The following WDR48 variants were observed in gnomAD, a reference collection of about 807,000 sequenced individuals.
WDR48 encodes WD repeat domain 48.
WDR48 carries 22 observed loss-of-function variants against 94.0 expected under a neutral mutation model. That is an observed-to-expected ratio of 0.23 (90% confidence interval 0.17 to 0.33). The LOEUF (loss-of-function observed/expected upper bound fraction) is 0.33, where lower values mean the gene tolerates loss of function less well. WDR48 is among the 10% of genes least tolerant of loss of function. WDR48 has a pLI of 1.00. For synonymous variants in WDR48, 278 were observed against 280.5 expected (o/e 0.99, Z 0.09); for missense variants, 541 against 813.8 (o/e 0.66, Z 4.08).
intron 10 of WDR48, among the ~76,000 whole-genome samples, chr3:39,079,117 T>C (rs73066268): frequency 0.1 from 15,749 of 151,938 alleles, 1,040 homozygotes; most frequent in East Asian, 0.22. Flanking sequence ...ATAGCCATGA[T>C]AAAGCCAGTA....
rs1486263860 is a variant in WDR48, at chr3:39,095,097, C to G, written c.*354C>G. On this transcript the variant is annotated 3_prime_UTR_variant, in exon 19 of 19. Coordinates refer to ENST00000302313, the MANE Select transcript of WDR48 (RefSeq NM_020839.4). ...TAACACTTGTTAGAGACACCTCAGT[C>G]GGGCCACAACTGTCTCTGTTTCAAC... 2 of 250,228 alleles carry G rather than the reference C, an allele frequency of 8.0e-6. No homozygotes were observed. The highest frequency in any genetic ancestry group is 4.9e-5 in the Admixed American group (1 of 20,522). The allele number at this position is 250,228 out of a possible 1,614,324, so 15.5% of individuals were successfully genotyped here.
intron 1 of WDR48, 191 bp downstream of exon 1, chr3:39,052,264 G>T (rs1369680477): frequency 1.6e-6 from 1 of 629,514 alleles, no homozygotes; most frequent in Non-Finnish European, 2.7e-6. Flanking sequence ...GGCTTGCTTG[G>T]CCCTTGGGGC....
intron 7 of WDR48, among the ~76,000 whole-genome samples, chr3:39,071,240 A>T (rs1418950468): frequency 3.3e-5 from 5 of 152,192 alleles, no homozygotes; most frequent in Non-Finnish European, 7.3e-5. Context: ...GTGTATATGT[A>T]TATATATGTG....
chr3:39,058,123 G>A (rs868713565), intron 1 of WDR48, among the ~76,000 whole-genome samples: 2 of 152,176 alleles, frequency 1.3e-5, no homozygotes, highest in Middle Eastern at 3.4e-3. Flanking sequence ...TAGAAACAGG[G>A]CTCTCATGCT....
At chr3:39,075,376 G>C (rs1048752655) in intron 8 of WDR48, among the ~76,000 whole-genome samples, 3 of 152,028 alleles carry the variant, frequency 2.0e-5, no homozygotes, top group African/African-American at 4.8e-5. Flanking sequence ...AGGAGTTAAG[G>C]TTATCTGTGA....
intron 18 of WDR48, 199 bp downstream of exon 18, chr3:39,094,265 G>A: frequency 7.0e-7 from 1 of 1,436,108 alleles, no homozygotes; most frequent in East Asian, 2.5e-5. Context: ...AAATGTGGAT[G>A]TGCTGGTAGC....
rs1388102443 is a variant in WDR48 at position 39,066,544 on chromosome 3, C to A, written c.269-4C>A. 6.2e-7 allele frequency: 1 copy of A among 1,612,944 alleles called. No homozygotes were observed. Among genetic ancestry groups the A allele is most frequent in the Non-Finnish European group, 8.5e-7 (1 of 1,179,590 alleles). On this transcript the variant is annotated splice_region_variant and splice_polypyrimidine_tract_variant and intron_variant, in intron 3 of 18. Transcript: ENST00000302313. ...GGAGTTTGTTAATTCTTTGCTTCTT[C>A]TAGTAATATCTGCTTCTTCTGACAC...
rs996453836 is a variant in WDR48 at position 39,075,697 on chromosome 3, T to A, written c.897+747T>A. Among the ~76,000 whole-genome samples, 46 of 141,964 alleles carry A rather than the reference T, an allele frequency of 3.2e-4. No individual in the cohort carries two copies. In the South Asian group the frequency reaches 4.0e-3, roughly 12 times the overall value. The allele number at this position is 141,964 out of a possible 152,430, so 93.1% of individuals were successfully genotyped here. A position where few individuals can be genotyped will look rare whatever the true frequency, so the allele number is the denominator to read the frequency against. ...AACAACAGTGAAGAAGTTTCCAAAA[T>A]TTTTTTTTTTTTTTGAGACGGAGTC... On this transcript the variant is annotated intron_variant, in intron 8 of 18. Transcript: ENST00000302313.
chr3:39,091,558 TATTAAC>T, intron 16 of WDR48, 61 bp from the exon 17 acceptor site: 3 of 1,188,218 alleles, frequency 2.5e-6, no homozygotes, highest in African/African-American at 1.6e-5. Context: ...CATGTTTTCC[TATTAAC>T]ATTATTTTCA....
intron 14 of WDR48, 58 bp downstream of exon 14, chr3:39,085,668 A>C: frequency 6.9e-7 from 1 of 1,438,968 alleles, no homozygotes; most frequent in Non-Finnish European, 9.6e-7. Flanking sequence ...CTTAAAAGGT[A>C]CTTACTAAAA....
At position 39,078,813 on chromosome 3, in the gene WDR48, G is replaced by A. The variant is rs571293250; in HGVS notation, c.1075+574G>A. Among the ~76,000 whole-genome samples, 175 of 151,254 alleles carry A rather than the reference G, an allele frequency of 1.2e-3. 2 individuals carry two copies. The highest frequency in any genetic ancestry group is 0.01 in the Admixed American group (153 of 15,240). On this transcript the variant is annotated intron_variant, in intron 10 of 18. Transcript: ENST00000302313. The stretch of plus-strand genomic sequence containing the variant: ...TGGGAGGCCAAGGCGGGCGGATCAC[G>A]AGGTCAGGAGATCGAGACCATCCCG...
intron 14 of WDR48, among the ~76,000 whole-genome samples, chr3:39,085,965 A>C (rs2034788387): frequency 6.6e-6 from 1 of 152,256 alleles, no homozygotes; most frequent in Admixed American, 6.5e-5. Flanking sequence ...CTAGGTAGTT[A>C]GCTGCATCAG....
intron 2 of WDR48, among the ~76,000 whole-genome samples, chr3:39,065,382 A>T (rs2033540089): frequency 6.6e-6 from 1 of 152,172 alleles, no homozygotes; most frequent in African/African-American, 2.4e-5. Flanking sequence ...TAGTGCACTC[A>T]TCAGACTCAT....
Position 39,094,816 on chromosome 3 carries a change from C to A in WDR48, c.*73C>A. The A allele has an allele frequency of 6.4e-7, 1 of 1,564,118 alleles. No individual in the cohort carries two copies. Among genetic ancestry groups the A allele is most frequent in the Non-Finnish European group, 8.7e-7 (1 of 1,153,942 alleles). The stretch of plus-strand genomic sequence containing the variant: ...GCCCCAAGAGTAGTCCTAGGAAGCC[C>A]ACTGATCCCCAACGGGAGCAAGACT... On this transcript the variant is annotated 3_prime_UTR_variant, in exon 19 of 19. Transcript: ENST00000302313.
At chr3:39,082,574 C>T (rs1301032620) in intron 11 of WDR48, among the ~76,000 whole-genome samples, 3 of 152,130 alleles carry the variant, frequency 2.0e-5, no homozygotes, top group Admixed American at 1.3e-4. Context: ...GCAACCGTGC[C>T]TGCCCACAGG....
intron 1 of WDR48, among the ~76,000 whole-genome samples, chr3:39,056,656 C>A (rs1468473349): frequency 6.6e-6 from 1 of 152,218 alleles, no homozygotes; most frequent in Non-Finnish European, 1.5e-5. Flanking sequence ...GAGGAACTTA[C>A]AGCAATGCTT....
chr3:39,085,589 G>A lies in WDR48; in HGVS notation c.1453G>A (p.Glu485Lys). 6.2e-7 allele frequency: 1 copy of A among 1,611,230 alleles called. No homozygotes were observed. Among genetic ancestry groups the A allele is most frequent in the Middle Eastern group, 1.7e-4 (1 of 6,054 alleles). ...PRTHVNPMDE[E>K]ENEVNHVNGE... Reference sequence around the variant, plus strand: ...AACACATGTGAATCCAATGGATGAAGAGGAAAATGAAGTAAACCATGGTTA... The same window carrying A: ...AACACATGTGAATCCAATGGATGAAAAGGAAAATGAAGTAAACCATGGTTA... The change falls in exon 14 of 19, where the codon GAG becomes AAG. Residue 485 changes from glutamate (E) to lysine (K), a missense_variant. Physicochemically the swap from Glu to Lys is moderately conservative, Grantham distance 56. Around this residue, in one of 5 missense-constraint regions of WDR48, gnomAD observed 238 missense variants for 285.3 expected, o/e 0.83. Transcript: ENST00000302313.
At chr3:39,080,196 A>G (rs2034448220) in intron 11 of WDR48, among the ~76,000 whole-genome samples, 1 of 152,162 alleles carries the variant, frequency 6.6e-6, no homozygotes, top group Admixed American at 6.5e-5. Flanking sequence ...GTTGCCAGTA[A>G]TACCCCTCCC....
chr3:39,053,758 T>C (rs1264453288), intron 1 of WDR48, among the ~76,000 whole-genome samples: 1 of 152,156 alleles, frequency 6.6e-6, no homozygotes, highest in African/African-American at 2.4e-5. Flanking sequence ...TAAAAAGACT[T>C]ACAAGGCAAT....
Sources: gnomAD v4.1 joint callset for allele counts (sites outside exome capture counted in the v4.1 genomes callset) on GRCh38, gnomAD v4.1.1 for gene constraint, gnomAD v4.1.1 regional missense constraint, MANE v1.5 for transcripts, NCBI Gene and HGNC (gene_info 2026-07-23, HGNC 2026-07-21) for gene names.